The following PASK variants were observed in gnomAD, a reference collection of about 807,000 sequenced individuals.
PASK encodes PAS domain-containing serine/threonine-protein kinase.
PASK carries 110 observed loss-of-function variants against 121.0 expected under a neutral mutation model. The observed-to-expected ratio is 0.91, with a 90% CI of 0.78 to 1.06. The LOEUF (loss-of-function observed/expected upper bound fraction) is 1.06, where lower values mean the gene tolerates loss of function less well. PASK is among the 50% of genes least tolerant of loss of function. The probability of loss-of-function intolerance (pLI) is 0.00; values close to 1 mark genes in which losing one functional copy is unlikely to be tolerated. For missense variants in PASK, 1,643 were observed against 1,702.3 expected (o/e 0.97, Z 0.61); for synonymous variants, 686 against 717.8 (o/e 0.96, Z 0.71).
intron 8 of PASK, 140 bp from the exon 9 acceptor site, chr2:241,133,170 G>T: frequency 1.2e-6 from 1 of 801,536 alleles, no homozygotes; most frequent in Non-Finnish European, 2.1e-6. Context: ...GGCGTCCCAG[G>T]TCCAACCCAG....
chr2:241,145,149 G>A (rs1016996217), intron 1 of PASK, among the ~76,000 whole-genome samples: 2 of 152,092 alleles, frequency 1.3e-5, no homozygotes, highest in African/African-American at 4.8e-5. Flanking sequence ...TCCTGACCTC[G>A]TGATCCACCT....
intron 17 of PASK, 124 bp downstream of exon 17, chr2:241,107,229 T>A (rs1433396859): frequency 1.0e-5 from 9 of 886,452 alleles, no homozygotes; most frequent in Admixed American, 5.1e-5. Flanking sequence ...GCCCTGACAT[T>A]TGTGTCCAAG....
chr2:241,134,471 C>A (rs1475714026), intron 8 of PASK: 2 of 152,166 alleles, frequency 1.3e-5, no homozygotes, highest in East Asian at 3.9e-4. Flanking sequence ...ATGCCCCAGG[C>A]GAGACCCTGT....
chr2:241,142,808 T>G, intron 2 of PASK, 29 bp downstream of exon 2: 2 of 1,519,812 alleles, frequency 1.3e-6, no homozygotes, highest in Non-Finnish European at 1.8e-6. Flanking sequence ...TTCCACGCGC[T>G]AAGGCCTGCA....
chr2:241,110,223 T>G (rs889594918), intron 15 of PASK, among the ~76,000 whole-genome samples: 1 of 152,244 alleles, frequency 6.6e-6, no homozygotes, highest in South Asian at 2.1e-4. Context: ...TGCTGTACGA[T>G]TCCACGTATA....
Position 241,115,274 on chromosome 2 carries a change from G to C in PASK, c.3198+14C>G, listed in dbSNP as rs1417373924. 1 of 1,614,028 alleles carries C rather than the reference G, an allele frequency of 6.2e-7. No homozygotes were observed. The highest frequency in any genetic ancestry group is 1.1e-5 in the South Asian group (1 of 91,088). Reference sequence around the variant, plus strand: ...TGAGCCAAGTTAGGGTATCTCTGAAGAGGAAACCATCACCTTGATGATATT... The same window carrying C: ...TGAGCCAAGTTAGGGTATCTCTGAACAGGAAACCATCACCTTGATGATATT... On this transcript the variant is annotated intron_variant, in intron 13 of 17. Transcript: ENST00000234040.
At chr2:241,113,788 G>C (rs1354364351) in intron 14 of PASK, 1 of 985,364 alleles carries the variant, frequency 1.0e-6, no homozygotes, top group African/African-American at 1.7e-5. Context: ...AACCAAGCCA[G>C]GGCTGTTCCC....
In PASK at chr2:241,108,261, G is replaced by A. The variant is rs138022646; in HGVS notation, c.3573C>T (p.Val1191=). The A allele has an allele frequency of 1.0e-4, 167 of 1,613,842 alleles. No homozygotes were observed. The highest frequency in any genetic ancestry group is 1.3e-4 in the Non-Finnish European group (156 of 1,179,866). ...GPELEMWSLG[V]TLYTLVFEEN... is the part of the protein sequence containing the mutation. ...CCTCAAAGACCAGCGTGTACAGAGT[G>A]ACTCCCAGAGACCACATCTCCAGCT... The change falls in exon 16 of 18, where the codon GTC becomes GTT. Residue 1191 remains valine (V), a synonymous_variant. Transcript: ENST00000234040. The surrounding 1 kb of genome is among the most constrained non-coding windows in gnomAD (Gnocchi z 5.2).
intron 9 of PASK, among the ~76,000 whole-genome samples, chr2:241,130,730 G>A (rs2066087443): frequency 1.3e-5 from 2 of 152,184 alleles, no homozygotes; most frequent in African/African-American, 4.8e-5. Context: ...GGAAAATCAG[G>A]GAGGCTAAGC....
At chr2:241,119,052 G>A in intron 12 of PASK, 1 of 549,690 alleles carries the variant, frequency 1.8e-6, no homozygotes, top group African/African-American at 2.0e-5. Context: ...CCCAGAGGCT[G>A]GACAGAGGGA....
intron 12 of PASK, among the ~76,000 whole-genome samples, chr2:241,121,911 A>G (rs4675996): frequency 6.6e-6 from 1 of 152,238 alleles, no homozygotes; most frequent in Non-Finnish European, 1.5e-5. Flanking sequence ...AACATAATAC[A>G]AGCATCAACA....
chr2:241,137,407 C>T (rs2066486520), intron 6 of PASK, 143 bp from the exon 7 acceptor site: 1 of 749,162 alleles, frequency 1.3e-6, no homozygotes, highest in Non-Finnish European at 2.4e-6. Flanking sequence ...CTCTGCCTTC[C>T]CTCTCCTCCC....
intron 8 of PASK, chr2:241,133,570 A>T (rs1439456506): frequency 2.5e-5 from 5 of 200,348 alleles, no homozygotes; most frequent in Non-Finnish European, 5.2e-5. Flanking sequence ...GCTCCATGTC[A>T]CCTGGCTCCC....
In PASK at chr2:241,132,402, A is replaced by G. The variant is rs191493156; in HGVS notation, c.1463+472T>C. Among the ~76,000 whole-genome samples, 116 of 151,948 alleles carry G rather than the reference A, an allele frequency of 7.6e-4. 4 individuals are homozygous for G. The highest frequency in any genetic ancestry group is 2.5e-3 in the African/African-American group (102 of 41,452). ...GTGGTGGCGGGCGCCTGTAGTCCCC[A>G]GCTACTCGGGAGGCTGAGGCAGGAG... On this transcript the variant is annotated intron_variant, in intron 9 of 17. Transcript: ENST00000234040.
At chr2:241,121,049 T>C (rs1487264457) in intron 12 of PASK, among the ~76,000 whole-genome samples, 1 of 152,232 alleles carries the variant, frequency 6.6e-6, no homozygotes, top group Non-Finnish European at 1.5e-5. Context: ...GAAAACATTA[T>C]GTTAGATGAA....
chr2:241,142,958 T>C lies in PASK; in HGVS notation c.75A>G (p.Ser25=), dbSNP rs779502935. 1.9e-6 allele frequency: 3 copies of C among 1,613,880 alleles called. No individual in the cohort carries two copies. The South Asian group carries it at 3.3e-5, about 18-fold the overall frequency. ...CLSQSLPLPV[S]AEGPAAQTTA... The stretch of plus-strand genomic sequence containing the variant: ...TGGTCTGTGCAGCTGGGCCCTCTGC[T>C]GACACTGGCAAGGGGAGGCTCTGGG... Residue 25 remains serine, a synonymous_variant, in exon 2 of 18, where the codon TCA becomes TCG. Transcript: ENST00000234040.
Position 241,112,510 on chromosome 2 carries a change from G to T in PASK, c.3334-71C>A. 1.1e-6 allele frequency: 1 copy of T among 952,350 alleles called. No homozygotes were observed. The highest frequency in any genetic ancestry group is 1.6e-6 in the Non-Finnish European group (1 of 639,026). The allele number at this position is 952,350 out of a possible 1,614,324, so 59.0% of individuals were successfully genotyped here. A position where few individuals can be genotyped will look rare whatever the true frequency, so the allele number is the denominator to read the frequency against. On this transcript the variant is annotated intron_variant, in intron 14 of 17. Transcript: ENST00000234040. This position sits in a 1 kb window ranked among gnomAD's most constrained non-coding sequence, Gnocchi z 5.2. The stretch of plus-strand genomic sequence containing the variant: ...CTAAAATATGCATTTAAAATAAACT[G>T]GAACAAAAAAAAACACAAAGAAAAA...
In PASK at chr2:241,127,080, C is replaced by T. The variant is rs2125429144; in HGVS notation, c.1835G>A (p.Cys612Tyr). The change falls in exon 10 of 18, where the codon TGC (cysteine) becomes TAC (tyrosine). Residue 612 changes from cysteine (C) to tyrosine (Y), a missense_variant. Cys to Tyr is a radical substitution (Grantham distance 194). Around this residue, in one of 3 missense-constraint regions of PASK, gnomAD observed 1,176 missense variants for 1,162.2 expected, o/e 1.01. Coordinates refer to ENST00000234040, the MANE Select transcript of PASK (RefSeq NM_015148.4). ...AGGSLLMHCP[C>Y]YGSEWGLWWR... ...CCACAAGCCCCATTCACTCCCATAGCAAGGGCAGTGCATCAGGAGGCTGCC... is the reference window on the plus strand; with the variant it reads ...CCACAAGCCCCATTCACTCCCATAGTAAGGGCAGTGCATCAGGAGGCTGCC... 1 of 1,614,110 alleles carries T rather than the reference C, an allele frequency of 6.2e-7. No homozygotes were observed. The highest frequency in any genetic ancestry group is 2.2e-5 in the East Asian group (1 of 44,884).
At chr2:241,145,535 G>A (rs1471123629) in intron 1 of PASK, among the ~76,000 whole-genome samples, 19 of 152,018 alleles carry the variant, frequency 1.2e-4, no homozygotes. Flanking sequence ...GGTAGGGAAA[G>A]TTTTCTTAAA....
Sources: gnomAD v4.1 joint callset for allele counts (sites outside exome capture counted in the v4.1 genomes callset) on GRCh38, gnomAD v4.1.1 for gene constraint, gnomAD v4.1.1 regional missense constraint, Gnocchi (gnomAD v3.1) non-coding constraint, MANE v1.5 for transcripts, NCBI Gene and HGNC (gene_info 2026-07-23, HGNC 2026-07-21) for gene names.